The following EGFL6 variants were observed in gnomAD, a reference collection of about 807,000 sequenced individuals.
The protein encoded by EGFL6 is epidermal growth factor-like protein 6.
Under a neutral mutation model 43.1 loss-of-function variants are expected in EGFL6, and 42 were observed. That is an observed-to-expected ratio of 0.98 (90% CI 0.76 to 1.26). The LOEUF (loss-of-function observed/expected upper bound fraction) is 1.26, where lower values mean the gene tolerates loss of function less well. Among genes scored for constraint, EGFL6 ranks in the 50% most tolerant of loss-of-function variants. The pLI, the probability that EGFL6 is intolerant of heterozygous loss-of-function variation, is 0.00. For synonymous variants in EGFL6, 164 were observed against 163.2 expected (o/e 1.01, Z -0.04); for missense variants, 429 against 427.8 (o/e 1.00, Z -0.02).
At chrX:13,612,259 A>C (rs891653570) in intron 7 of EGFL6, among the ~76,000 whole-genome samples, 2 of 108,628 alleles carry the variant, frequency 1.8e-5, no homozygotes, top group African/African-American at 6.7e-5. Flanking sequence ...CTTAACGAGC[A>C]TGCTGCCTTC....
intron 4 of EGFL6, among the ~76,000 whole-genome samples, chrX:13,601,937 T>A (rs188215014): frequency 1.8e-5 from 2 of 111,475 alleles, no homozygotes; most frequent in East Asian, 2.8e-4. Context: ...GAAAACCCAG[T>A]CAGTGCCAAA....
chrX:13,575,888 G>A, intron 1 of EGFL6, among the ~76,000 whole-genome samples: 1 of 112,249 alleles, frequency 8.9e-6, no homozygotes, highest in East Asian at 2.8e-4. Flanking sequence ...GCTTAAGCAA[G>A]ATAGACATGT....
At chrX:13,623,337 T>A (rs1417431452) in intron 9 of EGFL6, among the ~76,000 whole-genome samples, 1 of 100,933 alleles carries the variant, frequency 9.9e-6, no homozygotes. Context: ...CCATTACTAA[T>A]TTTTTTTTTT....
At chrX:13,606,238 C>G (rs765733627) in intron 5 of EGFL6, 141 bp from the exon 6 acceptor site, 99 of 563,054 alleles carry the variant, frequency 1.8e-4, no homozygotes, top group Non-Finnish European at 2.7e-4. Flanking sequence ...ATCTAGAACA[C>G]TTGCCAGAGG....
rs772633411 is a variant in EGFL6, at chrX:13,589,512, C to G, written c.75-44C>G. The G allele has an allele frequency of 2.7e-6, 3 of 1,091,539 alleles. No homozygotes were observed. In the Admixed American group the frequency reaches 7.4e-5, roughly 27 times the overall value. 90.0% of individuals were successfully genotyped at this position (1,091,539 alleles called of 1,213,427 possible). On this transcript the variant is annotated intron_variant, in intron 1 of 11. Transcript: ENST00000361306. ...AGTAGTAGGGAAGAGTTTCTGTTGT[C>G]TTTTCTATTTTCTCAATACTAACAT...
Position 13,569,921 on chromosome X carries a change from C to T in EGFL6, c.60C>T (p.Phe20=), listed in dbSNP as rs1467117510. ...TGCTCTCCTGGGTGGCAGGTGGTTT[C>T]GGGAACGCGGCCAGGTGAGTGTCTG... ...PLLLSWVAGG[F]GNAASARHHG... The change falls in exon 1 of 12, where the codon TTC becomes TTT. Residue 20 remains phenylalanine (F), a synonymous_variant. Transcript: ENST00000361306. 5.8e-6 allele frequency: 7 copies of T among 1,210,303 alleles called. No individual in the cohort carries two copies. The South Asian group carries it at 1.2e-4, about 21-fold the overall frequency.
intron 7 of EGFL6, among the ~76,000 whole-genome samples, chrX:13,612,629 G>C (rs2045696864): frequency 9.0e-6 from 1 of 110,634 alleles, no homozygotes. Flanking sequence ...CGGCTGGGCA[G>C]AGGCACCCCC....
intron 1 of EGFL6, among the ~76,000 whole-genome samples, chrX:13,588,820 C>T (rs189756994): frequency 1.6e-3 from 176 of 112,625 alleles, no homozygotes; most frequent in Non-Finnish European, 2.8e-3. Context: ...CACAGTCATG[C>T]GCATCTGTTT....
chrX:13,608,260 G>A, intron 6 of EGFL6, 64 bp from the exon 7 acceptor site: 1 of 1,184,914 alleles, frequency 8.4e-7, no homozygotes, highest in Non-Finnish European at 1.1e-6. Context: ...TTGATCAAGT[G>A]TAAGGGTGAG....
chrX:13,584,086 C>T (rs751653173), intron 1 of EGFL6, among the ~76,000 whole-genome samples: 2 of 112,092 alleles, frequency 1.8e-5, no homozygotes, highest in Non-Finnish European at 3.8e-5. Flanking sequence ...TCACAAATAC[C>T]CTTAAGGTAA....
At chrX:13,617,262 C>A (rs188142976) in intron 7 of EGFL6, among the ~76,000 whole-genome samples, 1 of 111,964 alleles carries the variant, frequency 8.9e-6, no homozygotes, top group African/African-American at 3.2e-5. Context: ...CACCATAAGT[C>A]ACCATTTTTG....
chrX:13,607,264 C>T (rs148672850), intron 6 of EGFL6, among the ~76,000 whole-genome samples: 8 of 111,200 alleles, frequency 7.2e-5, no homozygotes, highest in Non-Finnish European at 9.4e-5. Context: ...AATTCGGGCT[C>T]TCTGTGGATT....
At chrX:13,622,665 T>C (rs1192978944) in intron 9 of EGFL6, among the ~76,000 whole-genome samples, 4 of 112,009 alleles carry the variant, frequency 3.6e-5, no homozygotes, top group African/African-American at 1.3e-4. Context: ...ATTTTAAGCT[T>C]TGTAGGCCAT....
intron 1 of EGFL6, among the ~76,000 whole-genome samples, chrX:13,577,798 A>AGCCT (rs993832307): frequency 8.9e-6 from 1 of 112,556 alleles, no homozygotes; most frequent in Non-Finnish European, 1.9e-5. Flanking sequence ...CAAAGAAGGC[A>AGCCT]GGCTGGAACC....
At chrX:13,602,902 G>A (rs898438504) in intron 4 of EGFL6, among the ~76,000 whole-genome samples, 2 of 112,121 alleles carry the variant, frequency 1.8e-5, no homozygotes, top group Non-Finnish European at 3.8e-5. Context: ...GGCTAGATAT[G>A]TATGGAGAGC....
intron 10 of EGFL6, chrX:13,625,217 C>A (rs2045771675): frequency 9.0e-6 from 1 of 111,155 alleles, no homozygotes; most frequent in Admixed American, 9.6e-5. Flanking sequence ...AAATCATACC[C>A]CTGCTCCTCC....
chrX:13,602,105 A>AG (rs1364638469), intron 4 of EGFL6, among the ~76,000 whole-genome samples: 3 of 111,856 alleles, frequency 2.7e-5, no homozygotes, highest in African/African-American at 9.8e-5. Context: ...CTGTATATCT[A>AG]GGGGTTACCT....
chrX:13,586,997 C>T (rs2045537477), intron 1 of EGFL6, among the ~76,000 whole-genome samples: 1 of 111,990 alleles, frequency 8.9e-6, no homozygotes, highest in African/African-American at 3.2e-5. Context: ...TTGTGGGATT[C>T]CATTTATATG....
At chrX:13,604,558 A>T (rs2045650046) in intron 5 of EGFL6, among the ~76,000 whole-genome samples, 1 of 111,800 alleles carries the variant, frequency 8.9e-6, no homozygotes, top group African/African-American at 3.3e-5. Flanking sequence ...AGTGCTGAGG[A>T]GCTATGGATG....
Sources: gnomAD v4.1 joint callset for allele counts (sites outside exome capture counted in the v4.1 genomes callset) on GRCh38, gnomAD v4.1.1 for gene constraint, MANE v1.5 for transcripts, NCBI Gene and HGNC (gene_info 2026-07-23, HGNC 2026-07-21) for gene names.